The following SKP1 variants were observed in gnomAD, a reference collection of about 807,000 sequenced individuals.
SKP1 encodes S-phase kinase-associated protein 1.
SKP1 carries 1 observed loss-of-function variant against 21.5 expected under a neutral mutation model. The observed-to-expected ratio is 0.05, with a 90% confidence interval of 0.02 to 0.22. SKP1 has a LOEUF of 0.22. SKP1 is among the 10% of genes least tolerant of loss of function. The pLI is 1.00. For synonymous variants in SKP1, 59 were observed against 59.3 expected, an observed-to-expected ratio of 0.99 and a Z score of 0.03; for missense variants, 70 against 192.0, an observed-to-expected ratio of 0.36 and a Z score of 3.76.
rs1354700989 is a variant in SKP1, at chr5:134,155,884, TCTCAGG to T, written c.*1843_*1848del. On this transcript the variant is annotated 3_prime_UTR_variant, in exon 6 of 6. Transcript: ENST00000353411. ...ATGCCAGCTCACTGCAGCCTCGACC[TCTCAGG>T]CTCAAGCCATCTTCCCACCTCAGCC... The T allele has an allele frequency of 6.6e-6, 1 of 152,230 alleles. No individual in the cohort carries two copies. Among genetic ancestry groups the T allele is most frequent in the Non-Finnish European group, 1.5e-5 (1 of 68,094 alleles). The allele number at this position is 152,230 out of a possible 1,614,324, so 9.4% of individuals were successfully genotyped here. A position where few individuals can be genotyped will look rare whatever the true frequency, so the allele number is the denominator to read the frequency against.
chr5:134,167,899 G>T (rs1352335698), intron 2 of SKP1, among the ~76,000 whole-genome samples: 2 of 152,188 alleles, frequency 1.3e-5, no homozygotes, highest in East Asian at 1.9e-4. Context: ...TATTATAAGG[G>T]ACTTGAGTAT....
intron 3 of SKP1, among the ~76,000 whole-genome samples, chr5:134,165,801 G>T (rs1389430826): frequency 1.3e-5 from 2 of 150,766 alleles, no homozygotes; most frequent in Non-Finnish European, 3.0e-5. Context: ...CAGGAGAATT[G>T]CTTGAACCTG....
In SKP1 at chr5:134,173,224, C is replaced by T. The variant is rs565167306; in HGVS notation, c.97+702G>A. Among the ~76,000 whole-genome samples the T allele has an allele frequency of 6.6e-5, 10 of 151,996 alleles. No homozygotes were observed. In the East Asian group the frequency reaches 1.2e-3, roughly 18 times the overall value. ...GCACATGCCTCTAATTCCAGCTACTCGGGAGGCTGAGGCAGGAGAATCGCT... is the reference window on the plus strand; with the variant it reads ...GCACATGCCTCTAATTCCAGCTACTTGGGAGGCTGAGGCAGGAGAATCGCT... On this transcript the variant is annotated intron_variant, in intron 2 of 5. Coordinates refer to ENST00000353411, the MANE Select transcript of SKP1 (RefSeq NM_170679.3).
At chr5:134,164,048 T>A (rs7734118) in intron 3 of SKP1, among the ~76,000 whole-genome samples, 1 of 152,050 alleles carries the variant, frequency 6.6e-6, no homozygotes, top group Non-Finnish European at 1.5e-5. Context: ...CGGCCAGGGA[T>A]GGTGACTCAA....
In SKP1 at chr5:134,156,370, G is replaced by A. The variant is rs1318018002; in HGVS notation, c.*1363C>T. The A allele has an allele frequency of 6.6e-6, 1 of 152,058 alleles. No individual in the cohort carries two copies. The highest frequency in any genetic ancestry group is 1.5e-5 in the Non-Finnish European group (1 of 68,020). 9.4% of individuals were successfully genotyped at this position (152,058 alleles called of 1,614,324 possible). ...CCACACATTATAGTTTCCTATCTCT[G>A]GTACAGACAACAAATTGGAATTAAG... On this transcript the variant is annotated 3_prime_UTR_variant, in exon 6 of 6. Coordinates refer to ENST00000353411, the MANE Select transcript of SKP1 (RefSeq NM_170679.3).
At chr5:134,162,606 C>T (rs1363370680) in intron 3 of SKP1, among the ~76,000 whole-genome samples, 4 of 151,608 alleles carry the variant, frequency 2.6e-5, no homozygotes, top group African/African-American at 9.8e-5. Flanking sequence ...AGGCTGGTCT[C>T]GAACTCCTGA....
chr5:134,162,650 G>A (rs1580926817), intron 3 of SKP1, among the ~76,000 whole-genome samples: 1 of 152,144 alleles, frequency 6.6e-6, no homozygotes, highest in South Asian at 2.1e-4. Context: ...GCTTCCCAAA[G>A]TGCTGGGATT....
intron 4 of SKP1, 84 bp downstream of exon 4, chr5:134,160,903 G>A: frequency 1.1e-6 from 1 of 872,660 alleles, no homozygotes; most frequent in Non-Finnish European, 1.8e-6. Context: ...TTAAAATTCA[G>A]TGTCAATGAA....
chr5:134,167,591 C>G (rs1454719138), intron 2 of SKP1, among the ~76,000 whole-genome samples: 1 of 151,660 alleles, frequency 6.6e-6, no homozygotes, highest in Non-Finnish European at 1.5e-5. Context: ...GGCGCCATCT[C>G]GGCTCACTGC....
At chr5:134,164,322 G>GAAAAAAAAAAAAAAAAAAAAA (rs55637997) in intron 3 of SKP1, among the ~76,000 whole-genome samples, 1 of 122,128 alleles carries the variant, frequency 8.2e-6, no homozygotes, top group African/African-American at 3.2e-5. Flanking sequence ...TCCATCTCAA[G>GAAAAAAAAAAAAAAAAAAAAA]AAAAAAAAAA....
In SKP1 at chr5:134,157,712, T is replaced by TA. The variant is rs755571039; in HGVS notation, c.*20dup. 3.8e-6 allele frequency: 6 copies of TA among 1,591,910 alleles called. No homozygotes were observed. The highest frequency in any genetic ancestry group is 4.3e-6 in the Non-Finnish European group (5 of 1,160,120). ...GTATTTGGAACAATCCTTACAGTGT[T>TA]ACAGTGTCAGGCACAACATTTCACT... On this transcript the variant is annotated 3_prime_UTR_variant, in exon 6 of 6. Coordinates refer to ENST00000353411, the MANE Select transcript of SKP1 (RefSeq NM_170679.3).
intron 3 of SKP1, among the ~76,000 whole-genome samples, chr5:134,166,258 A>C (rs1761328641): frequency 1.3e-5 from 2 of 151,976 alleles, no homozygotes; most frequent in Middle Eastern, 3.4e-3. Flanking sequence ...GAAAAAAAAA[A>C]ACATAGAAAT....
Position 134,158,658 on chromosome 5 carries a change from A to G in SKP1, c.316-63T>C, listed in dbSNP as rs548928839. On this transcript the variant is annotated intron_variant, in intron 4 of 5. Coordinates refer to ENST00000353411, the MANE Select transcript of SKP1 (RefSeq NM_170679.3). ...ATGTTTTAAACTAAATCCAAAGTTA[A>G]TGATTGACACTCCGTATCTAATAAA... is the stretch of plus-strand genomic sequence containing the variant. 94 of 1,357,744 alleles carry G rather than the reference A, an allele frequency of 6.9e-5. 2 individuals are homozygous for G. In the South Asian group the frequency reaches 1.1e-3, roughly 16 times the overall value. 84.1% of individuals were successfully genotyped at this position (1,357,744 alleles called of 1,614,324 possible).
At chr5:134,159,794 A>G (rs1230117616) in intron 4 of SKP1, among the ~76,000 whole-genome samples, 2 of 151,718 alleles carry the variant, frequency 1.3e-5, no homozygotes, top group South Asian at 2.1e-4. Flanking sequence ...TGATCCGCCC[A>G]CCTTGGCCTC....
chr5:134,161,232 G>A, intron 3 of SKP1, 102 bp from the exon 4 acceptor site: 8 of 1,052,700 alleles, frequency 7.6e-6, no homozygotes, highest in Non-Finnish European at 1.1e-5. Flanking sequence ...ACTAGCTAGA[G>A]GTTGACTTGA....
chr5:134,174,459 T>C (rs776567088), intron 1 of SKP1: 213 of 995,294 alleles, frequency 2.1e-4, no homozygotes, highest in Non-Finnish European at 2.5e-4. Context: ...CAGTGAGTCC[T>C]ACCTGTGAAG....
At chr5:134,173,690 G>C (rs1321916579) in intron 2 of SKP1, 25 of 599,584 alleles carry the variant, frequency 4.2e-5, no homozygotes, top group Non-Finnish European at 7.5e-5. Context: ...TCACTTCAAT[G>C]TTTATTTTAC....
chr5:134,158,397 T>C (rs766991422), intron 5 of SKP1, 58 bp downstream of exon 5: 15 of 1,613,186 alleles, frequency 9.3e-6, no homozygotes, highest in South Asian at 2.2e-5. Flanking sequence ...TGGCATGTTA[T>C]AGGTGTTACT....
At chr5:134,165,469 A>G (rs1434336986) in intron 3 of SKP1, among the ~76,000 whole-genome samples, 3 of 151,752 alleles carry the variant, frequency 2.0e-5, no homozygotes, top group Non-Finnish European at 4.4e-5. Context: ...GGGTGTCTGT[A>G]ATCCCAGCTA....
Sources: allele counts gnomAD v4.1 joint callset (sites outside exome capture counted in the v4.1 genomes callset), GRCh38; gene constraint gnomAD v4.1.1; transcripts MANE v1.5; gene names NCBI Gene and HGNC (gene_info 2026-07-23, HGNC 2026-07-21).